COPB1: variants seen among roughly 807,000 people sequenced by gnomAD.
The protein encoded by COPB1 is coatomer subunit beta.
A neutral mutation model predicts 108.7 loss-of-function variants in COPB1; 21 were observed. The observed-to-expected ratio is 0.19, with a 90% confidence interval of 0.14 to 0.28. The LOEUF (loss-of-function observed/expected upper bound fraction) is 0.28. COPB1 is among the 10% of genes least tolerant of loss of function. The pLI is 1.00. For synonymous variants in COPB1, 378 were observed against 386.8 expected, an observed-to-expected ratio of 0.98 and a Z score of 0.27; for missense variants, 919 against 1,141.3, an observed-to-expected ratio of 0.81 and a Z score of 2.81.
chr11:14,475,301 C>T (rs895310711), intron 13 of COPB1, among the ~76,000 whole-genome samples: 1 of 152,058 alleles, frequency 6.6e-6, no homozygotes, highest in Non-Finnish European at 1.5e-5. Context: ...ATCTCAAAGG[C>T]TTATTGTCAA....
At chr11:14,475,687 G>T (rs1042782762) in intron 13 of COPB1, 98 bp downstream of exon 13, 4 of 1,248,932 alleles carry the variant, frequency 3.2e-6, no homozygotes, top group African/African-American at 3.1e-5. Flanking sequence ...TTTCATTTTG[G>T]TTGCAAAAGC....
chr11:14,480,092 C>T (rs1850628788), intron 10 of COPB1, among the ~76,000 whole-genome samples: 1 of 152,178 alleles, frequency 6.6e-6, no homozygotes, highest in East Asian at 1.9e-4. Flanking sequence ...ACATGAAGTG[C>T]CATGCCTGAC....
Position 14,458,607 on chromosome 11 carries a change from G to C in COPB1, c.2727C>G (p.Val909=). The C allele has an allele frequency of 1.2e-6, 2 of 1,613,790 alleles. No homozygotes were observed. Among genetic ancestry groups the C allele is most frequent in the Non-Finnish European group, 1.7e-6 (2 of 1,179,908 alleles). ...SIFGEDALAN[V]SIEKPIHQGP... is the part of the protein sequence containing the mutation. The stretch of plus-strand genomic sequence containing the variant: ...CCTGGTGAATTGGCTTCTCAATGCT[G>C]ACATTTGCAAGTGCATCTTCACCAA... Residue 909 remains valine, a synonymous_variant, in exon 21 of 22, where the codon GTC becomes GTG. Coordinates refer to ENST00000439561, the MANE Select transcript of COPB1 (RefSeq NM_001144061.2).
At chr11:14,492,960 A>C (rs1850941015) in intron 4 of COPB1, among the ~76,000 whole-genome samples, 1 of 152,104 alleles carries the variant, frequency 6.6e-6, no homozygotes. Flanking sequence ...AGCCTGGCCA[A>C]CATGGTGAAA....
intron 2 of COPB1, 105 bp downstream of exon 2, chr11:14,498,731 TTA>T (rs774791357): frequency 8.0e-6 from 7 of 875,936 alleles, no homozygotes; most frequent in Middle Eastern, 3.6e-4. Context: ...TAGAAAAACT[TTA>T]GACAAAAATT....
intron 20 of COPB1, among the ~76,000 whole-genome samples, chr11:14,459,170 T>A (rs757307405): frequency 9.9e-5 from 15 of 152,218 alleles, no homozygotes; most frequent in South Asian, 2.1e-4. Context: ...AAAGTGTGAA[T>A]TTTACTGTGT....
At chr11:14,460,578 G>A (rs938205943) in intron 19 of COPB1, among the ~76,000 whole-genome samples, 5 of 151,722 alleles carry the variant, frequency 3.3e-5, no homozygotes, top group Admixed American at 1.3e-4. Flanking sequence ...AGTGCAGTGC[G>A]TCATTTCAGC....
In COPB1 at chr11:14,469,375, C is replaced by T; in HGVS notation, c.1926G>A (p.Met642Ile). The T allele has an allele frequency of 1.2e-6, 2 of 1,614,128 alleles. No homozygotes were observed. The highest frequency in any genetic ancestry group is 1.7e-6 in the Non-Finnish European group (2 of 1,180,002). The change falls in exon 15 of 22, where the codon ATG becomes ATA. Residue 642 changes from methionine (M) to isoleucine (I), a missense_variant. This residue lies in a region of COPB1 where 705 missense variants were observed against 817.8 expected (regional missense o/e 0.86). Transcript: ENST00000439561. ...NKECRQSLSH[M>I]LSAKLEEEKL... The stretch of plus-strand genomic sequence containing the variant: ...TCTCTTCTTCTAGTTTAGCAGATAA[C>T]ATGTGAGAAAGGGACTGTCTGCATT...
At chr11:14,458,481 C>A in intron 21 of COPB1, 51 bp downstream of exon 21, 1 of 1,525,150 alleles carries the variant, frequency 6.6e-7, no homozygotes, top group South Asian at 1.3e-5. Context: ...TCATAAATTC[C>A]TCCCCCCTTT....
In COPB1 at chr11:14,498,908, T is replaced by C. The variant is rs375759919; in HGVS notation, c.21A>G (p.Val7=). Residue 7 remains valine, a synonymous_variant, in exon 2 of 22, where the codon GTA becomes GTG. Transcript: ENST00000439561. Reference sequence around the variant, plus strand: ...TTGGCACGTTAATTAACGTGTAGCATACGTTCTCAGCCGCCGTCATGGTTT... The same window carrying C: ...TTGGCACGTTAATTAACGTGTAGCACACGTTCTCAGCCGCCGTCATGGTTT... MTAAEN[V]CYTLINVPMD... is the part of the protein sequence containing the mutation. The C allele has an allele frequency of 1.1e-4, 184 of 1,609,960 alleles. No homozygotes were observed. The Middle Eastern group carries it at 1.7e-3, about 15-fold the overall frequency.
intron 14 of COPB1, among the ~76,000 whole-genome samples, chr11:14,470,944 A>ACACTCTCTCTCT (rs1285522756): frequency 4.4e-5 from 4 of 90,210 alleles, no homozygotes; most frequent in African/African-American, 2.1e-4. Flanking sequence ...ACACACACAC[A>ACACTCTCTCTCT]CTCTCTCTCT....
rs767980170 is a variant in COPB1, at chr11:14,460,250, G to A, written c.2604C>T (p.His868=). 6.2e-7 allele frequency: 1 copy of A among 1,611,722 alleles called. No homozygotes were observed. Among genetic ancestry groups the A allele is most frequent in the South Asian group, 1.1e-5 (1 of 90,752 alleles). Residue 868 remains histidine (H), a synonymous_variant, in exon 20 of 22, where the codon CAC becomes CAT. Transcript: ENST00000439561. ...ATTTCATATTGGTTGACTTTAATAT[G>A]TGCTGTAAGTAGTCATTTAAATCAA... ...NMVDLNDYLQ[H]ILKSTNMKCL...
chr11:14,470,919 C>A (rs1317317421), intron 14 of COPB1, among the ~76,000 whole-genome samples: 1 of 131,066 alleles, frequency 7.6e-6, no homozygotes, highest in African/African-American at 3.8e-5. Flanking sequence ...CACACACACA[C>A]ACACACACAC....
intron 5 of COPB1, among the ~76,000 whole-genome samples, chr11:14,489,735 G>A (rs1850854438): frequency 6.6e-6 from 1 of 152,140 alleles, no homozygotes; most frequent in Non-Finnish European, 1.5e-5. Context: ...GTAATAAGGA[G>A]CTATTTTTTA....
rs940155559 is a variant in COPB1, at chr11:14,474,372, A to C, written c.1737+123T>G. 75 of 807,188 alleles carry C rather than the reference A, an allele frequency of 9.3e-5. 3 individuals carry two copies. The Admixed American group carries it at 2.2e-3, about 23-fold the overall frequency. 50.0% of individuals were successfully genotyped at this position (807,188 alleles called of 1,614,324 possible). On this transcript the variant is annotated intron_variant, in intron 14 of 21. Coordinates refer to ENST00000439561, the MANE Select transcript of COPB1 (RefSeq NM_001144061.2). The stretch of plus-strand genomic sequence containing the variant: ...ATATATTACTGTGTCCACTTCTGCT[A>C]TTAAATCATAAACTCTTTCATGACA...
chr11:14,476,034 G>T, intron 12 of COPB1, 89 bp from the exon 13 acceptor site: 1 of 1,207,832 alleles, frequency 8.3e-7, no homozygotes, highest in Non-Finnish European at 1.1e-6. Context: ...TCTAAAAAAG[G>T]CATTACCCTA....
At chr11:14,481,168 A>G in intron 8 of COPB1, 71 bp from the exon 9 acceptor site, 1 of 1,107,054 alleles carries the variant, frequency 9.0e-7, no homozygotes, top group Non-Finnish European at 1.3e-6. Context: ...TTCACTGCAG[A>G]ATGGTGGGGT....
At chr11:14,480,259 CAAAT>C (rs1445183022) in intron 10 of COPB1, among the ~76,000 whole-genome samples, 1 of 152,070 alleles carries the variant, frequency 6.6e-6, no homozygotes. Flanking sequence ...TCCAAAACTC[CAAAT>C]AAATAAATGA....
intron 4 of COPB1, among the ~76,000 whole-genome samples, chr11:14,491,720 T>C (rs552664576): frequency 6.6e-6 from 1 of 151,364 alleles, no homozygotes; most frequent in Admixed American, 6.6e-5. Flanking sequence ...AGTTATACCT[T>C]CATCTATTAA....
Sources: gnomAD v4.1 joint callset for allele counts (sites outside exome capture counted in the v4.1 genomes callset) on GRCh38, gnomAD v4.1.1 for gene constraint, gnomAD v4.1.1 regional missense constraint, MANE v1.5 for transcripts, NCBI Gene and HGNC (gene_info 2026-07-23, HGNC 2026-07-21) for gene names.